The following KLHL3 variants were observed in gnomAD, a reference collection of about 807,000 sequenced individuals.
The protein encoded by KLHL3 is kelch-like protein 3.
In KLHL3, 19 loss-of-function variants were observed where a neutral mutation model predicts 70.5. That is an observed-to-expected ratio of 0.27 (90% CI 0.19 to 0.40). The LOEUF is 0.40. Among genes scored for constraint, KLHL3 ranks in the 10% least tolerant of loss-of-function variants. KLHL3 has a pLI of 1.00. For missense variants in KLHL3, 512 were observed against 771.1 expected, an observed-to-expected ratio of 0.66 and a Z score of 3.98; for synonymous variants, 258 against 290.3, an observed-to-expected ratio of 0.89 and a Z score of 1.13.
At chr5:137,696,295 C>T (rs1752442925) in intron 4 of KLHL3, among the ~76,000 whole-genome samples, 1 of 151,532 alleles carries the variant, frequency 6.6e-6, no homozygotes, top group African/African-American at 2.4e-5. Context: ...GTGGGTCTGG[C>T]ACAGAATCAG....
At chr5:137,654,372 C>G (rs557484820) in intron 8 of KLHL3, among the ~76,000 whole-genome samples, 42 of 152,246 alleles carry the variant, frequency 2.8e-4, no homozygotes, top group African/African-American at 9.9e-4. Flanking sequence ...TGAGACAGAC[C>G]GAACCCCAGC....
chr5:137,720,570 G>C lies in KLHL3; in HGVS notation c.29C>G (p.Ser10Cys). The C allele has an allele frequency of 6.2e-7, 1 of 1,614,096 alleles. No homozygotes were observed. The highest frequency in any genetic ancestry group is 8.5e-7 in the Non-Finnish European group (1 of 1,180,004). Residue 10 changes from serine to cysteine, a missense_variant, in exon 2 of 15, where the codon TCC becomes TGC. Ser to Cys is a moderately radical substitution (Grantham distance 112). Transcript: ENST00000309755. ...ATCCCCAGCCTGTATCAGAGTCTGG[G>C]AGCTCAGCTTGACACTGTGAACAGG... MEGESVKLS[S>C]QTLIQAGDDE...
At chr5:137,719,190 CACT>C (rs1242022497) in intron 2 of KLHL3, among the ~76,000 whole-genome samples, 2 of 152,252 alleles carry the variant, frequency 1.3e-5, no homozygotes, top group African/African-American at 2.4e-5. Context: ...ACCTGTCAGG[CACT>C]GGATGCATTC....
chr5:137,649,738 C>T (rs909690100), intron 8 of KLHL3, among the ~76,000 whole-genome samples: 1 of 152,218 alleles, frequency 6.6e-6, no homozygotes. Context: ...TATGAAAATC[C>T]TATGAGATAA....
Position 137,626,146 on chromosome 5 carries a change from G to A in KLHL3, c.1592-250C>T, listed in dbSNP as rs557844243. Among the ~76,000 whole-genome samples the A allele has an allele frequency of 3.3e-5, 5 of 152,132 alleles. No homozygotes were observed. The East Asian group carries it at 5.8e-4, about 18-fold the overall frequency. On this transcript the variant is annotated intron_variant, in intron 13 of 14. Transcript: ENST00000309755. ...CCAGGGAGTTTTGATTACTTATAAC[G>A]TGTATGCCCCCCGCCACACACATAC...
At chr5:137,628,226 T>C in intron 13 of KLHL3, 71 bp downstream of exon 13, 1 of 1,564,840 alleles carries the variant, frequency 6.4e-7, no homozygotes, top group South Asian at 1.2e-5. Flanking sequence ...CTCCCTGCTG[T>C]TTAGAGCCAG....
chr5:137,719,955 T>C (rs1010854890), intron 2 of KLHL3, among the ~76,000 whole-genome samples: 3 of 152,124 alleles, frequency 2.0e-5, no homozygotes, highest in Admixed American at 6.5e-5. Context: ...GTTAAATACA[T>C]ACAAAGGAAA....
intron 13 of KLHL3, among the ~76,000 whole-genome samples, chr5:137,627,090 C>CCTAT (rs1210845256): frequency 2.0e-5 from 3 of 152,008 alleles, no homozygotes; most frequent in Non-Finnish European, 2.9e-5. Flanking sequence ...TATAATCACT[C>CCTAT]AAGTATTACT....
chr5:137,731,426 G>C (rs1753171806), intron 1 of KLHL3, among the ~76,000 whole-genome samples: 1 of 152,178 alleles, frequency 6.6e-6, no homozygotes, highest in Non-Finnish European at 1.5e-5. Flanking sequence ...CTCAACACTT[G>C]CTCTTCCCTG....
intron 6 of KLHL3, among the ~76,000 whole-genome samples, chr5:137,666,661 CACTG>C (rs1303153374): frequency 2.0e-5 from 3 of 152,328 alleles, no homozygotes; most frequent in South Asian, 4.1e-4. Flanking sequence ...CACTTAGTCA[CACTG>C]TTTATCTACT....
At position 137,619,265 on chromosome 5, in the gene KLHL3, T is replaced by C. The variant is rs946412214; in HGVS notation, c.*2833A>G. The C allele has an allele frequency of 6.5e-6, 1 of 152,692 alleles. No individual in the cohort carries two copies. Among genetic ancestry groups the C allele is most frequent in the Admixed American group, 6.5e-5 (1 of 15,288 alleles). The allele number at this position is 152,692 out of a possible 1,614,324, so 9.5% of individuals were successfully genotyped here. On this transcript the variant is annotated 3_prime_UTR_variant, in exon 15 of 15. Coordinates refer to ENST00000309755, the MANE Select transcript of KLHL3 (RefSeq NM_017415.3). Reference sequence around the variant, plus strand: ...GGGAACTAGAATTAAGTATTCTTATTGCATAGCAGAAAATGAGGTCAGTTT... The same window carrying C: ...GGGAACTAGAATTAAGTATTCTTATCGCATAGCAGAAAATGAGGTCAGTTT...
At chr5:137,633,745 T>G (rs1750699625) in intron 12 of KLHL3, among the ~76,000 whole-genome samples, 1 of 152,224 alleles carries the variant, frequency 6.6e-6, no homozygotes, top group Non-Finnish European at 1.5e-5. Context: ...CTCACTTATA[T>G]GTACAGGCTA....
chr5:137,681,631 C>A (rs753332520), intron 5 of KLHL3, among the ~76,000 whole-genome samples: 1 of 151,918 alleles, frequency 6.6e-6, no homozygotes, highest in Non-Finnish European at 1.5e-5. Flanking sequence ...ATGCATGTGC[C>A]GGGGGCATAG....
Position 137,639,045 on chromosome 5 carries a change from G to A in KLHL3, c.1127C>T (p.Ser376Phe). The A allele has an allele frequency of 6.2e-7, 1 of 1,614,110 alleles. No individual in the cohort carries two copies. Among genetic ancestry groups the A allele is most frequent in the Non-Finnish European group, 8.5e-7 (1 of 1,180,014 alleles). Reference sequence around the variant, plus strand: ...CCGGCGCTCCTGCATGCTGGCAATGGACGTCCACTGGTCCTTCACGCCGTC... The same window carrying A: ...CCGGCGCTCCTGCATGCTGGCAATGAACGTCCACTGGTCCTTCACGCCGTC... ...VYDGVKDQWTSIASMQERRST... is the reference protein window; with the variant it reads ...VYDGVKDQWTFIASMQERRST... The change falls in exon 10 of 15, where the codon TCC (serine) becomes TTC (phenylalanine). Residue 376 changes from serine (S) to phenylalanine (F), a missense_variant. Coordinates refer to ENST00000309755, the MANE Select transcript of KLHL3 (RefSeq NM_017415.3). This position sits in a 1 kb window ranked among gnomAD's most constrained non-coding sequence, Gnocchi z 5.0.
chr5:137,631,115 A>G (rs367561595), intron 12 of KLHL3, among the ~76,000 whole-genome samples: 1 of 151,446 alleles, frequency 6.6e-6, no homozygotes, highest in South Asian at 2.1e-4. Flanking sequence ...GAAAGGAATA[A>G]CATTGCGGGA....
chr5:137,733,907 G>C (rs760157414), intron 1 of KLHL3, among the ~76,000 whole-genome samples: 42 of 152,202 alleles, frequency 2.8e-4, no homozygotes, highest in Admixed American at 5.2e-4. Flanking sequence ...GGTATGACCT[G>C]GGTGACCTGG....
chr5:137,636,290 C>G (rs1380726466), intron 11 of KLHL3, among the ~76,000 whole-genome samples: 1 of 152,206 alleles, frequency 6.6e-6, no homozygotes, highest in African/African-American at 2.4e-5. Context: ...GGATGTTACA[C>G]TCACCCCAGG....
chr5:137,665,201 A>C (rs1483344365), intron 6 of KLHL3, among the ~76,000 whole-genome samples: 1 of 152,216 alleles, frequency 6.6e-6, no homozygotes, highest in Non-Finnish European at 1.5e-5. Context: ...GTTCTAGATT[A>C]GAGAGATTTA....
Position 137,639,773 on chromosome 5 carries a change from G to T in KLHL3, c.1021+87C>A. 1.1e-6 allele frequency: 1 copy of T among 931,184 alleles called. No individual in the cohort carries two copies. The highest frequency in any genetic ancestry group is 1.7e-6 in the Non-Finnish European group (1 of 572,910). 57.7% of individuals were successfully genotyped at this position (931,184 alleles called of 1,614,324 possible). A position where few individuals can be genotyped will look rare whatever the true frequency, so the allele number is the denominator to read the frequency against. On this transcript the variant is annotated intron_variant, in intron 9 of 14. Coordinates refer to ENST00000309755, the MANE Select transcript of KLHL3 (RefSeq NM_017415.3). The surrounding 1 kb of genome is among the most constrained non-coding windows in gnomAD (Gnocchi z 5.0). ...GGGAGCCTGAAATGCACAGATGCTT[G>T]AGGAAACAAGGAGTAGCTCACGACT...
Sources: allele counts gnomAD v4.1 joint callset (sites outside exome capture counted in the v4.1 genomes callset), GRCh38; gene constraint gnomAD v4.1.1; non-coding constraint Gnocchi (gnomAD v3.1); transcripts MANE v1.5; gene names NCBI Gene and HGNC (gene_info 2026-07-23, HGNC 2026-07-21).